WDR91: variants seen among roughly 807,000 people sequenced by gnomAD.
WDR91 encodes the protein WD repeat domain 91.
Under a neutral mutation model 88.4 loss-of-function variants are expected in WDR91, and 52 were observed. That is an observed-to-expected ratio of 0.59 (90% CI 0.47 to 0.74). WDR91 has a LOEUF of 0.74. WDR91 is among the 30% of genes least tolerant of loss of function. The pLI, the probability that WDR91 is intolerant of heterozygous loss-of-function variation, is 0.00. For synonymous variants in WDR91, 362 were observed against 389.5 expected (o/e 0.93, Z 0.83); for missense variants, 824 against 954.5 (o/e 0.86, Z 1.80).
rs936233081 is a variant in WDR91 at position 135,189,478 on chromosome 7, G to A, written c.1660-26C>T. The A allele has an allele frequency of 1.7e-5, 27 of 1,596,222 alleles. No homozygotes were observed. The East Asian group carries it at 5.6e-4, about 33-fold the overall frequency. On this transcript the variant is annotated intron_variant, in intron 11 of 14. Transcript: ENST00000354475. ...CTATTGAAATAAAACAAAAATGTCA[G>A]TAGCAGATCTTCACTCAGCCCAGGC...
intron 14 of WDR91, 25 bp downstream of exon 14, chr7:135,186,947 C>T (rs1417803343): frequency 6.2e-7 from 1 of 1,612,578 alleles, no homozygotes; most frequent in South Asian, 1.1e-5. Context: ...AATACCACTA[C>T]CTCCCACCCC....
rs1403293688 is a variant in WDR91 at position 135,189,436 on chromosome 7, T to A, written c.1676A>T (p.Asp559Val). 1.2e-6 allele frequency: 2 copies of A among 1,613,812 alleles called. No homozygotes were observed. The highest frequency in any genetic ancestry group is 1.3e-5 in the African/African-American group (1 of 74,916). ...TMKQQLQFSL[D>V]PEPIAINCTA... ...ACAGTTGATAGCAATGGGTTCTGGA[T>A]CCAGGGAGAACTGGAGCTATTGAAA... Residue 559 changes from aspartate to valine, a missense_variant, in exon 12 of 15, where the codon GAT becomes GTT. Coordinates refer to ENST00000354475, the MANE Select transcript of WDR91 (RefSeq NM_014149.4).
chr7:135,193,857 G>C (rs1831267076), intron 9 of WDR91, 185 bp from the exon 10 acceptor site: 1 of 589,522 alleles, frequency 1.7e-6, no homozygotes, highest in Non-Finnish European at 3.0e-6. Flanking sequence ...AGACGTGAGA[G>C]CTGACCTTGA....
chr7:135,187,889 A>C (rs929822281), intron 13 of WDR91, among the ~76,000 whole-genome samples: 18 of 152,314 alleles, frequency 1.2e-4, no homozygotes, highest in African/African-American at 4.3e-4. Flanking sequence ...TCCAATCCCA[A>C]AAGTCCAGGC....
At position 135,198,074 on chromosome 7, in the gene WDR91, G is replaced by A. The variant is rs769342893; in HGVS notation, c.969C>T (p.Ser323=). 39 of 1,613,992 alleles carry A rather than the reference G, an allele frequency of 2.4e-5. No individual in the cohort carries two copies. The highest frequency in any genetic ancestry group is 7.7e-5 in the South Asian group (7 of 91,082). ...SLLSGLATGE[S]GWSQHRQRRL... ...GCCGCTGCCGGTGCTGTGACCAACC[G>A]GACTCCCCAGTGGCCAGCCCGCTGA... Residue 323 remains serine, a synonymous_variant, in exon 7 of 15, where the codon TCC becomes TCT. Transcript: ENST00000354475.
chr7:135,211,036 T>A (rs1831997432), intron 1 of WDR91: 2 of 653,126 alleles, frequency 3.1e-6, no homozygotes, highest in East Asian at 2.7e-5. Flanking sequence ...AACACGAATA[T>A]CTGTTGCCAA....
At position 135,187,085 on chromosome 7, in the gene WDR91, A is replaced by T; in HGVS notation, c.1966T>A (p.Ser656Thr). 6.2e-7 allele frequency: 1 copy of T among 1,614,250 alleles called. No homozygotes were observed. The highest frequency in any genetic ancestry group is 1.1e-5 in the South Asian group (1 of 91,092). ...PSDATGPFVL[S>T]GYSGYKQVQV... ...ACCTGCTTGTAGCCGCTGTATCCAG[A>T]CAGCACAAAGGGGCCCGTGGCATCT... is the stretch of plus-strand genomic sequence containing the variant. Residue 656 changes from serine (S) to threonine (T), a missense_variant, in exon 14 of 15, where the codon TCT becomes ACT. Transcript: ENST00000354475.
intron 10 of WDR91, 74 bp from the exon 11 acceptor site, chr7:135,193,473 GGATCCTGCA>G: frequency 6.2e-7 from 1 of 1,610,218 alleles, no homozygotes; most frequent in Non-Finnish European, 8.5e-7. Flanking sequence ...TCCTGAGGCT[GGATCCTGCA>G]CAGGAGATGG....
In WDR91 at chr7:135,184,268, C is replaced by T. The variant is rs1830857692; in HGVS notation, c.*1883G>A. Reference sequence around the variant, plus strand: ...CTTAAATACCTCCCTACTTTTCCCTCAACTCCCAGAACAAAGCCAAGACTT... The same window carrying T: ...CTTAAATACCTCCCTACTTTTCCCTTAACTCCCAGAACAAAGCCAAGACTT... On this transcript the variant is annotated 3_prime_UTR_variant, in exon 15 of 15. Coordinates refer to ENST00000354475, the MANE Select transcript of WDR91 (RefSeq NM_014149.4). 1 of 152,176 alleles carries T rather than the reference C, an allele frequency of 6.6e-6. No individual in the cohort carries two copies. The highest frequency in any genetic ancestry group is 1.5e-5 in the Non-Finnish European group (1 of 68,020). 9.4% of individuals were successfully genotyped at this position (152,176 alleles called of 1,614,324 possible).
chr7:135,197,962 G>A (rs1298867522), intron 7 of WDR91, 31 bp downstream of exon 7: 4 of 1,597,602 alleles, frequency 2.5e-6, no homozygotes, highest in Non-Finnish European at 3.4e-6. Context: ...CTGCATGAGT[G>A]TCCCCAGGGG....
chr7:135,205,969 A>C lies in WDR91; in HGVS notation c.684T>G (p.Pro228=). 6.2e-7 allele frequency: 1 copy of C among 1,614,118 alleles called. No individual in the cohort carries two copies. Among genetic ancestry groups the C allele is most frequent in the African/African-American group, 1.3e-5 (1 of 75,052 alleles). The change falls in exon 5 of 15, where the codon CCT becomes CCG. Residue 228 remains proline, a synonymous_variant. Coordinates refer to ENST00000354475, the MANE Select transcript of WDR91 (RefSeq NM_014149.4). ...EEEALVQHKL[P]PYVSNMDRLG... ...GGCGGTCCATGTTGGAGACATAAGG[A>C]GGCAATTTGTGTTGGACCAAGGCCT... is the stretch of plus-strand genomic sequence containing the variant.
intron 5 of WDR91, among the ~76,000 whole-genome samples, chr7:135,204,963 A>G (rs1220265369): frequency 2.0e-5 from 3 of 151,994 alleles, no homozygotes; most frequent in African/African-American, 7.3e-5. Flanking sequence ...TTTTATTTCC[A>G]TCAGAAAGAA....
intron 11 of WDR91, 112 bp downstream of exon 11, chr7:135,193,119 T>A: frequency 1.4e-6 from 2 of 1,456,224 alleles, no homozygotes; most frequent in Non-Finnish European, 1.8e-6. Context: ...CTCAAAACTT[T>A]ATTAAAAATC....
intron 9 of WDR91, chr7:135,193,981 A>T (rs1318062712): frequency 3.1e-6 from 1 of 321,450 alleles, no homozygotes; most frequent in Non-Finnish European, 5.9e-6. Context: ...CCCTTTCTTC[A>T]GTTTGAAACC....
At chr7:135,205,721 C>T (rs189006027) in intron 5 of WDR91, among the ~76,000 whole-genome samples, 96 of 152,316 alleles carry the variant, frequency 6.3e-4, no homozygotes, top group Non-Finnish European at 9.0e-4. Context: ...GATTGTGCCA[C>T]GGCACTCTAG....
At position 135,196,108 on chromosome 7, in the gene WDR91, C is replaced by G. The variant is rs770812706; in HGVS notation, c.1244+36G>C. On this transcript the variant is annotated intron_variant, in intron 8 of 14. Coordinates refer to ENST00000354475, the MANE Select transcript of WDR91 (RefSeq NM_014149.4). This position sits in a 1 kb window ranked among gnomAD's most constrained non-coding sequence, Gnocchi z 4.2. ...CACGTGTACTGCCTGAAAATCTGAG[C>G]TTCCCAGGGTTTCCTTGGCCCCAGG... 24 of 1,465,052 alleles carry G rather than the reference C, an allele frequency of 1.6e-5. No individual in the cohort carries two copies. The South Asian group carries it at 3.3e-4, about 20-fold the overall frequency. The allele number at this position is 1,465,052 out of a possible 1,614,324, so 90.8% of individuals were successfully genotyped here.
chr7:135,211,510 CTAGCGTCTT>C lies in WDR91; in HGVS notation c.-17_-9del, dbSNP rs775794057. ...CTCCACGGCCTCCGCCATCGCAGCG[CTAGCGTCTT>C]TAGGGGTGGTGCGGTGAGGGACGGA... On this transcript the variant is annotated 5_prime_UTR_variant, in exon 1 of 15. Coordinates refer to ENST00000354475, the MANE Select transcript of WDR91 (RefSeq NM_014149.4). 5.6e-6 allele frequency: 9 copies of C among 1,609,136 alleles called. No homozygotes were observed. The African/African-American group carries it at 1.2e-4, about 22-fold the overall frequency.
rs201708540 is a variant in WDR91, at chr7:135,196,212, G to A, written c.1176C>T (p.Pro392=). 9.9e-6 allele frequency: 16 copies of A among 1,610,900 alleles called. No individual in the cohort carries two copies. The highest frequency in any genetic ancestry group is 4.5e-5 in the East Asian group (2 of 44,586). Residue 392 remains proline (P), a synonymous_variant, in exon 8 of 15, where the codon CCC becomes CCT. Transcript: ENST00000354475. This position sits in a 1 kb window ranked among gnomAD's most constrained non-coding sequence, Gnocchi z 4.2. ...GTCCCAGCACAATAAAGGGCTGCTC[G>A]GGGCGGACTCCTCCACCCTCAGGGC... is the stretch of plus-strand genomic sequence containing the variant. ...SAGPEGGGVR[P]EQPFIVLGQE...
chr7:135,186,415 A>G lies in WDR91; in HGVS notation c.2080-100T>C, dbSNP rs1830944364. ...TACCTGAGGATGTGCCTGAGGCCAG[A>G]CACACATGCCCACCTTTCCAGAAAG... On this transcript the variant is annotated intron_variant, in intron 14 of 14. Transcript: ENST00000354475. The G allele has an allele frequency of 2.4e-6, 3 of 1,264,680 alleles. No individual in the cohort carries two copies. The African/African-American group carries it at 4.6e-5, about 20-fold the overall frequency. 78.3% of individuals were successfully genotyped at this position (1,264,680 alleles called of 1,614,324 possible).
Sources: allele counts gnomAD v4.1 joint callset (sites outside exome capture counted in the v4.1 genomes callset), GRCh38; gene constraint gnomAD v4.1.1; non-coding constraint Gnocchi (gnomAD v3.1); transcripts MANE v1.5; gene names NCBI Gene and HGNC (gene_info 2026-07-23, HGNC 2026-07-21).